The following ZDHHC23 variants were observed in gnomAD, a reference collection of about 807,000 sequenced individuals.
ZDHHC23 encodes the protein zDHHC palmitoyltransferase 23.
A neutral mutation model predicts 40.2 loss-of-function variants in ZDHHC23; 41 were observed. The ratio of observed to expected loss-of-function variants is 1.02; its 90% CI spans 0.79 to 1.32. The LOEUF (loss-of-function observed/expected upper bound fraction) is 1.32, where lower values mean the gene tolerates loss of function less well. Among genes scored for constraint, ZDHHC23 ranks in the 40% most tolerant of loss-of-function variants. The probability of loss-of-function intolerance (pLI) is 0.00; values close to 1 mark genes in which losing one functional copy is unlikely to be tolerated. For missense variants in ZDHHC23, 471 were observed against 541.5 expected (o/e 0.87, Z 1.29); for synonymous variants, 204 against 210.2 (o/e 0.97, Z 0.26).
At chr3:113,950,648 A>G (rs1448875492) in intron 2 of ZDHHC23, among the ~76,000 whole-genome samples, 2 of 152,188 alleles carry the variant, frequency 1.3e-5, no homozygotes, top group Non-Finnish European at 2.9e-5. Flanking sequence ...CTCACATGCA[A>G]AATACACTGA....
At chr3:113,955,510 C>T (rs1939132763) in intron 3 of ZDHHC23, among the ~76,000 whole-genome samples, 1 of 152,074 alleles carries the variant, frequency 6.6e-6, no homozygotes. Flanking sequence ...CATTCTGCCC[C>T]ACAAATGGCC....
In ZDHHC23 at chr3:113,962,446, C is replaced by T. The variant is rs1396034300; in HGVS notation, c.*3816C>T. On this transcript the variant is annotated 3_prime_UTR_variant, in exon 5 of 5. Coordinates refer to ENST00000638807, the MANE Select transcript of ZDHHC23 (RefSeq NM_001320466.2). ...GCTTGTGACTTCTTAGTGGCCTAGC[C>T]TTCTTGATGGCACCTTGAAAGTGAA... 1 of 152,136 alleles carries T rather than the reference C, an allele frequency of 6.6e-6. No individual in the cohort carries two copies. Among genetic ancestry groups the T allele is most frequent in the Admixed American group, 6.5e-5 (1 of 15,272 alleles). The allele number at this position is 152,136 out of a possible 1,614,324, so 9.4% of individuals were successfully genotyped here.
rs773137288 is a variant in ZDHHC23, at chr3:113,961,726, A to C, written c.*3096A>C. 3 of 152,654 alleles carry C rather than the reference A, an allele frequency of 2.0e-5. No homozygotes were observed. The highest frequency in any genetic ancestry group is 4.4e-5 in the Non-Finnish European group (3 of 68,032). The allele number at this position is 152,654 out of a possible 1,614,324, so 9.5% of individuals were successfully genotyped here. On this transcript the variant is annotated 3_prime_UTR_variant, in exon 5 of 5. Transcript: ENST00000638807. ...AAAAAATTGCTACAAACTTTCTCTT[A>C]TGCAATAGTCCTTGGTACTTCTAAT...
the ZDHHC23 span, among the ~76,000 whole-genome samples, chr3:113,979,179 A>G: frequency 1.3e-5 from 2 of 152,224 alleles, no homozygotes; most frequent in Admixed American, 6.6e-5. Flanking sequence ...GACCTATTCT[A>G]TGGAGGTTAT....
At chr3:113,966,275 C>T (rs1056952634), downstream of ZDHHC23, among the ~76,000 whole-genome samples, 3 of 152,268 alleles carry the variant, frequency 2.0e-5, no homozygotes, top group African/African-American at 2.4e-5. Flanking sequence ...GTATGGAAGA[C>T]TGTTTAAGTG....
chr3:113,967,783 C>T (rs562790449), downstream of ZDHHC23, among the ~76,000 whole-genome samples: 2 of 152,270 alleles, frequency 1.3e-5, no homozygotes, highest in African/African-American at 4.8e-5. Context: ...CTCTCTTCAT[C>T]CACCTCCCAA....
the ZDHHC23 span, among the ~76,000 whole-genome samples, chr3:113,976,332 G>A: frequency 6.6e-6 from 1 of 151,592 alleles, no homozygotes; most frequent in Admixed American, 6.6e-5. Context: ...AAAATGGGGA[G>A]GAAGACTGAT....
chr3:113,960,771 C>G lies in ZDHHC23; in HGVS notation c.*2141C>G, dbSNP rs1939627354. On this transcript the variant is annotated 3_prime_UTR_variant, in exon 5 of 5. Coordinates refer to ENST00000638807, the MANE Select transcript of ZDHHC23 (RefSeq NM_001320466.2). ...TCCTTCCCATGGATAGGAAGGGACT[C>G]TGTGTATTATTCAGGTTTATTGGCA... 6.5e-7 allele frequency: 1 copy of G among 1,542,578 alleles called. No homozygotes were observed. Among genetic ancestry groups the G allele is most frequent in the African/African-American group, 1.4e-5 (1 of 71,006 alleles).
chr3:113,960,467 TCAAGGATAGC>T lies in ZDHHC23; in HGVS notation c.*1839_*1848del. On this transcript the variant is annotated 3_prime_UTR_variant, in exon 5 of 5. Transcript: ENST00000638807. ...TTACATAAGAGAGACAGTAATAATGTCAAGGATAGCCTGTGTGGGCAGAAATTGGTAGTCG... is the reference window on the plus strand; with the variant it reads ...TTACATAAGAGAGACAGTAATAATGTCTGTGTGGGCAGAAATTGGTAGTCG... 1 of 1,384,202 alleles carries T rather than the reference TCAAGGATAGC, an allele frequency of 7.2e-7. No individual in the cohort carries two copies. Among genetic ancestry groups the T allele is most frequent in the Non-Finnish European group, 9.3e-7 (1 of 1,076,450 alleles). The allele number at this position is 1,384,202 out of a possible 1,614,324, so 85.7% of individuals were successfully genotyped here.
chr3:113,978,540 T>A, the ZDHHC23 span: 2 of 612,284 alleles, frequency 3.3e-6, no homozygotes, highest in Non-Finnish European at 5.6e-6. Flanking sequence ...GAAACAGTTA[T>A]AAGATTGAAG....
the ZDHHC23 span, chr3:113,978,068 G>T: frequency 2.7e-6 from 3 of 1,115,750 alleles, no homozygotes; most frequent in Non-Finnish European, 1.3e-6. Flanking sequence ...CCCCTGACTG[G>T]TGTTTCCCCG....
rs972479540 is a variant in ZDHHC23 at position 113,959,006 on chromosome 3, C to T, written c.*376C>T. 1.8e-6 allele frequency: 2 copies of T among 1,131,356 alleles called. No homozygotes were observed. Among genetic ancestry groups the T allele is most frequent in the South Asian group, 3.3e-5 (2 of 60,892 alleles). The allele number at this position is 1,131,356 out of a possible 1,614,324, so 70.1% of individuals were successfully genotyped here. A position where few individuals can be genotyped will look rare whatever the true frequency, so the allele number is the denominator to read the frequency against. ...TTCGATTCTTAATAGCCATGTGACC[C>T]CTAGCTGAGTCACTTTCCCAAGTCT... On this transcript the variant is annotated 3_prime_UTR_variant, in exon 5 of 5. Coordinates refer to ENST00000638807, the MANE Select transcript of ZDHHC23 (RefSeq NM_001320466.2).
the ZDHHC23 span, among the ~76,000 whole-genome samples, chr3:113,970,958 A>G: frequency 6.6e-6 from 1 of 152,232 alleles, no homozygotes; most frequent in East Asian, 1.9e-4. Flanking sequence ...TTCTTAATCC[A>G]GTCTATCATT....
At chr3:113,950,362 C>G (rs1938544625) in intron 2 of ZDHHC23, among the ~76,000 whole-genome samples, 1 of 152,090 alleles carries the variant, frequency 6.6e-6, no homozygotes, top group Non-Finnish European at 1.5e-5. Flanking sequence ...CTCAGAAATC[C>G]AAGATCAAGG....
Position 113,958,967 on chromosome 3 carries a change from T to G in ZDHHC23, c.*337T>G. 1 of 1,183,514 alleles carries G rather than the reference T, an allele frequency of 8.4e-7. No homozygotes were observed. Among genetic ancestry groups the G allele is most frequent in the Non-Finnish European group, 1.1e-6 (1 of 936,858 alleles). The allele number at this position is 1,183,514 out of a possible 1,614,324, so 73.3% of individuals were successfully genotyped here. A position where few individuals can be genotyped will look rare whatever the true frequency, so the allele number is the denominator to read the frequency against. ...AGGAAAGAGTGTTGGATTAGGATAG[T>G]TTCTAGTCCCTCTTTCGATTCTTAA... On this transcript the variant is annotated 3_prime_UTR_variant, in exon 5 of 5. Transcript: ENST00000638807.
At chr3:113,970,165 T>C (rs752705863), downstream of ZDHHC23, among the ~76,000 whole-genome samples, 7 of 152,194 alleles carry the variant, frequency 4.6e-5, no homozygotes, top group African/African-American at 7.2e-5. Context: ...GGTGTATATA[T>C]TAATAAATGC....
chr3:113,951,479 G>A (rs1422310144), intron 2 of ZDHHC23, among the ~76,000 whole-genome samples: 3 of 152,222 alleles, frequency 2.0e-5, no homozygotes, highest in Non-Finnish European at 4.4e-5. Context: ...CCTAGGCCCA[G>A]TGGAGCCACA....
chr3:113,978,131 T>C, the ZDHHC23 span: 1 of 1,594,456 alleles, frequency 6.3e-7, no homozygotes, highest in Admixed American at 1.7e-5. Context: ...GCAGAATATA[T>C]TGCTGAGCAA....
the ZDHHC23 span, among the ~76,000 whole-genome samples, chr3:113,976,069 C>T: frequency 9.9e-5 from 15 of 151,500 alleles, no homozygotes; most frequent in Non-Finnish European, 1.6e-4. Context: ...TCAGCCTGGG[C>T]AGCATGGTAA....
Sources: gnomAD v4.1 joint callset for allele counts (sites outside exome capture counted in the v4.1 genomes callset) on GRCh38, gnomAD v4.1.1 for gene constraint, MANE v1.5 for transcripts, NCBI Gene and HGNC (gene_info 2026-07-23, HGNC 2026-07-21) for gene names.